The following ZMYM1 variants were observed in gnomAD, a reference collection of about 807,000 sequenced individuals.
ZMYM1 encodes the protein zinc finger MYM-type containing 1.
Under a neutral mutation model 60.0 loss-of-function variants are expected in ZMYM1, and 39 were observed. That is an observed-to-expected ratio of 0.65 (90% CI 0.50 to 0.85). The LOEUF (loss-of-function observed/expected upper bound fraction) is 0.85. Among genes scored for constraint, ZMYM1 ranks in the 40% least tolerant of loss-of-function variants. The pLI, the probability that ZMYM1 is intolerant of heterozygous loss-of-function variation, is 0.00. For synonymous variants in ZMYM1, 413 were observed against 454.0 expected (o/e 0.91, Z 1.15); for missense variants, 1,171 against 1,309.5 (o/e 0.89, Z 1.63).
At chr1:35,091,908 AAG>A (rs1553140295) in intron 1 of ZMYM1, among the ~76,000 whole-genome samples, 1 of 150,964 alleles carries the variant, frequency 6.6e-6, no homozygotes, top group African/African-American at 2.4e-5. Flanking sequence ...AAAAAAAAAA[AAG>A]AGAAAAAGAC....
At chr1:35,108,595 TG>T (rs1438448891) in intron 6 of ZMYM1, among the ~76,000 whole-genome samples, 2 of 152,050 alleles carry the variant, frequency 1.3e-5, no homozygotes, top group African/African-American at 4.8e-5. Context: ...TCAGATGATC[TG>T]CCCGCCTCGG....
In ZMYM1 at chr1:35,088,805, CTTTTTTT is replaced by C. The variant is rs375136566; in HGVS notation, c.-74-5097_-74-5091del. ...CCTCAGAAATTTTCAGGATGCTTTC[CTTTTTTT>C]TTTTTTTTTTTGTTTTTGAGACAGA... On this transcript the variant is annotated intron_variant, in intron 1 of 9. Transcript: ENST00000359858. 3.3e-5 allele frequency among the ~76,000 whole-genome samples: 4 copies of C among 119,600 alleles called. 1 individual carries two copies. The Admixed American group carries it at 4.2e-4, about 13-fold the overall frequency. The allele number at this position is 119,600 out of a possible 152,430, so 78.5% of individuals were successfully genotyped here.
rs775956903 is a variant in ZMYM1 at position 35,110,451 on chromosome 1, A to G, written c.961+4A>G. 2.7e-6 allele frequency: 4 copies of G among 1,479,472 alleles called. No individual in the cohort carries two copies. Among genetic ancestry groups the G allele is most frequent in the Non-Finnish European group, 3.6e-6 (4 of 1,116,962 alleles). The allele number at this position is 1,479,472 out of a possible 1,614,324, so 91.6% of individuals were successfully genotyped here. A position where few individuals can be genotyped will look rare whatever the true frequency, so the allele number is the denominator to read the frequency against. ...GCTAAGATGGAATCTTCTTCAGGTA[A>G]TGTTTGTTTAGCAATTGTAGGGGTT... On this transcript the variant is annotated splice_donor_region_variant and intron_variant, in intron 7 of 9. Transcript: ENST00000359858.
intron 1 of ZMYM1, among the ~76,000 whole-genome samples, chr1:35,064,889 G>A (rs1046457574): frequency 6.6e-6 from 1 of 151,614 alleles, no homozygotes; most frequent in African/African-American, 2.4e-5. Flanking sequence ...GGGTTTCACC[G>A]TGGTCTCTAT....
intron 1 of ZMYM1, among the ~76,000 whole-genome samples, chr1:35,085,279 C>T (rs1642596213): frequency 1.3e-5 from 2 of 152,134 alleles, no homozygotes; most frequent in African/African-American, 4.8e-5. Flanking sequence ...GATCTCCTGA[C>T]CTTGTGATCC....
Position 35,110,428 on chromosome 1 carries a change from T to C in ZMYM1, c.942T>C (p.Ala314=). ...ATTGTTTCTCTGCATACAGTAAAGC[T>C]AAGATGGAATCTTCTTCAGGTAATG... is the stretch of plus-strand genomic sequence containing the variant. The part of the protein sequence containing the change: ...SINCFSAYSK[A]KMESSSVSVV... Residue 314 remains alanine (A), a synonymous_variant, in exon 7 of 10, where the codon GCT becomes GCC. Transcript: ENST00000359858. 6.6e-7 allele frequency: 1 copy of C among 1,522,666 alleles called. No homozygotes were observed. The highest frequency in any genetic ancestry group is 2.2e-5 in the Admixed American group (1 of 46,468). 94.3% of individuals were successfully genotyped at this position (1,522,666 alleles called of 1,614,324 possible). A position where few individuals can be genotyped will look rare whatever the true frequency, so the allele number is the denominator to read the frequency against.
At chr1:35,071,235 A>G (rs1642062437) in intron 1 of ZMYM1, among the ~76,000 whole-genome samples, 1 of 152,094 alleles carries the variant, frequency 6.6e-6, no homozygotes, top group African/African-American at 2.4e-5. Flanking sequence ...ATGTCGAACC[A>G]TACTTGCATC....
intron 1 of ZMYM1, among the ~76,000 whole-genome samples, chr1:35,080,135 C>T (rs970788397): frequency 6.6e-6 from 1 of 151,890 alleles, no homozygotes; most frequent in Admixed American, 6.6e-5. Flanking sequence ...ACCCCAAAAG[C>T]ACAGTTTGAA....
intron 6 of ZMYM1, among the ~76,000 whole-genome samples, chr1:35,109,486 A>G (rs574562972): frequency 4.6e-5 from 7 of 152,258 alleles, no homozygotes; most frequent in African/African-American, 4.8e-5. Context: ...TATACTTTCT[A>G]TTGCTTGTAT....
intron 4 of ZMYM1, among the ~76,000 whole-genome samples, chr1:35,103,622 C>T (rs573371283): frequency 3.9e-5 from 6 of 152,216 alleles, no homozygotes; most frequent in East Asian, 1.9e-4. Context: ...TGAATATGCA[C>T]GTACATGTGC....
intron 2 of ZMYM1, among the ~76,000 whole-genome samples, chr1:35,094,305 G>GTTTA (rs1336178872): frequency 6.6e-6 from 1 of 152,124 alleles, no homozygotes; most frequent in Admixed American, 6.6e-5. Flanking sequence ...TTTTTGCATA[G>GTTTA]GTAAAAGGAT....
chr1:35,104,120 A>G (rs563427862), intron 4 of ZMYM1, 175 bp from the exon 5 acceptor site: 1 of 572,580 alleles, frequency 1.7e-6, no homozygotes, highest in South Asian at 2.8e-5. Flanking sequence ...TGTAATGTAT[A>G]GATGAGAAAA....
chr1:35,085,521 C>T (rs746349037), intron 1 of ZMYM1, among the ~76,000 whole-genome samples: 14 of 152,142 alleles, frequency 9.2e-5, no homozygotes, highest in Non-Finnish European at 1.9e-4. Context: ...ATCTGTCTCC[C>T]TTTCCCTCTG....
At chr1:35,111,638 A>G in intron 7 of ZMYM1, 134 bp from the exon 8 acceptor site, 1 of 713,960 alleles carries the variant, frequency 1.4e-6, no homozygotes, top group Non-Finnish European at 2.0e-6. Flanking sequence ...AAGCCCTAAT[A>G]AAAATTACTT....
At position 35,080,314 on chromosome 1, in the gene ZMYM1, C is replaced by CTTT. The variant is rs35214559; in HGVS notation, c.-75+889_-75+891dup. ...TTCTAGTTCCCATATATTTGTGCTTCTTTTTTTTTTTTTTTTTTTGGAGAC... is the reference window on the plus strand; with the variant it reads ...TTCTAGTTCCCATATATTTGTGCTTCTTTTTTTTTTTTTTTTTTTTTTGGAGAC... On this transcript the variant is annotated intron_variant, in intron 1 of 9. Transcript: ENST00000359858. 7.1e-4 allele frequency among the ~76,000 whole-genome samples: 89 copies of CTTT among 125,504 alleles called. 1 individual carries two copies. The highest frequency in any genetic ancestry group is 2.3e-3 in the African/African-American group (73 of 31,424). The allele number at this position is 125,504 out of a possible 152,430, so 82.3% of individuals were successfully genotyped here.
chr1:35,072,193 G>A (rs1642079245), intron 1 of ZMYM1, among the ~76,000 whole-genome samples: 1 of 152,116 alleles, frequency 6.6e-6, no homozygotes, highest in African/African-American at 2.4e-5. Context: ...ATGTGTTTAT[G>A]TTTTGGAGTT....
chr1:35,063,450 A>G (rs1027933753), intron 1 of ZMYM1, among the ~76,000 whole-genome samples: 3 of 152,030 alleles, frequency 2.0e-5, no homozygotes, highest in African/African-American at 7.2e-5. Context: ...TGGGACCACA[A>G]GCACAAACCA....
Position 35,097,300 on chromosome 1 carries a change from C to G in ZMYM1, c.170-17C>G, listed in dbSNP as rs1410136844. 2 of 1,557,158 alleles carry G rather than the reference C, an allele frequency of 1.3e-6. No individual in the cohort carries two copies. Among genetic ancestry groups the G allele is most frequent in the African/African-American group, 1.4e-5 (1 of 72,014 alleles). On this transcript the variant is annotated splice_polypyrimidine_tract_variant and intron_variant, in intron 3 of 9. Transcript: ENST00000359858. ...TGTAAATAACAATTTTTTTTTCTCCCTCTTGTGTTTTTATAGCTTCACAGT... is the reference window on the plus strand; with the variant it reads ...TGTAAATAACAATTTTTTTTTCTCCGTCTTGTGTTTTTATAGCTTCACAGT...
In ZMYM1 at chr1:35,114,523, A is replaced by G; in HGVS notation, c.2693A>G (p.Glu898Gly). The G allele has an allele frequency of 6.2e-7, 1 of 1,610,498 alleles. No homozygotes were observed. Among genetic ancestry groups the G allele is most frequent in the Non-Finnish European group, 8.5e-7 (1 of 1,178,270 alleles). Reference sequence around the variant, plus strand: ...TCTTCAAAAATAGAAGCAATTTTGGAATGTTTATCATCTGAAAGAAATGAC... The same window carrying G: ...TCTTCAAAAATAGAAGCAATTTTGGGATGTTTATCATCTGAAAGAAATGAC... ...SLSSKIEAILECLSSERNDVY... is the reference protein window; with the variant it reads ...SLSSKIEAILGCLSSERNDVY... The change falls in exon 10 of 10, where the codon GAA (glutamate) becomes GGA (glycine). Residue 898 changes from glutamate (E) to glycine (G), a missense_variant. Transcript: ENST00000359858.
Sources: allele counts gnomAD v4.1 joint callset (sites outside exome capture counted in the v4.1 genomes callset), GRCh38; gene constraint gnomAD v4.1.1; transcripts MANE v1.5; gene names NCBI Gene and HGNC (gene_info 2026-07-23, HGNC 2026-07-21).